ADAMTSL1: variants seen among roughly 807,000 people sequenced by gnomAD.
ADAMTSL1 encodes ADAMTS like 1, also known as ADAMTS-like protein 1.
ADAMTSL1 carries 126 observed loss-of-function variants against 201.8 expected under a neutral mutation model. That is an observed-to-expected ratio of 0.62 (90% CI 0.54 to 0.72). The LOEUF is 0.72. Ranked by LOEUF, ADAMTSL1 falls within the 30% of genes least tolerant of loss-of-function variation. The pLI, the probability that ADAMTSL1 is intolerant of heterozygous loss-of-function variation, is 0.00. For missense variants in ADAMTSL1, 2,679 were observed against 2,277.8 expected, an observed-to-expected ratio of 1.18 and a Z score of -3.59; for synonymous variants, 1,121 against 903.4, an observed-to-expected ratio of 1.24 and a Z score of -4.32.
chr9:18,743,538 T>A (rs1205720491), intron 15 of ADAMTSL1, among the ~76,000 whole-genome samples: 1 of 152,206 alleles, frequency 6.6e-6, no homozygotes, highest in Non-Finnish European at 1.5e-5. Context: ...GTGGCCAAAC[T>A]GTTTTCAAGC....
chr9:18,364,628 C>T (rs1836687483), intron 2 of ADAMTSL1, among the ~76,000 whole-genome samples: 1 of 144,960 alleles, frequency 6.9e-6, no homozygotes, highest in African/African-American at 2.5e-5. Context: ...AATAACATGC[C>T]TGTATTAGGT....
chr9:18,874,013 G>C (rs1308553115), intron 23 of ADAMTSL1, among the ~76,000 whole-genome samples: 1 of 152,008 alleles, frequency 6.6e-6, no homozygotes, highest in Non-Finnish European at 1.5e-5. Context: ...TCACCTCCTT[G>C]GTTAGGTATA....
chr9:18,163,428 TTTC>T (rs1278088316), intron 1 of ADAMTSL1, among the ~76,000 whole-genome samples: 1 of 152,110 alleles, frequency 6.6e-6, no homozygotes, highest in African/African-American at 2.4e-5. Context: ...AGGCCAGGCT[TTTC>T]TTATGTGGTA....
At chr9:18,464,837 G>A (rs770801575) in intron 2 of ADAMTSL1, among the ~76,000 whole-genome samples, 25 of 152,160 alleles carry the variant, frequency 1.6e-4, no homozygotes, top group Non-Finnish European at 3.2e-4. Flanking sequence ...AAAATCAAGA[G>A]AGAAAGGGTG....
At chr9:18,869,958 T>C (rs1827784438) in intron 23 of ADAMTSL1, among the ~76,000 whole-genome samples, 1 of 152,148 alleles carries the variant, frequency 6.6e-6, no homozygotes, top group South Asian at 2.1e-4. Flanking sequence ...TTTTCTGTTT[T>C]TCACAATGGA....
At chr9:18,872,708 A>G (rs1195606582) in intron 23 of ADAMTSL1, among the ~76,000 whole-genome samples, 1 of 152,144 alleles carries the variant, frequency 6.6e-6, no homozygotes, top group Non-Finnish European at 1.5e-5. Context: ...TGGTATATGT[A>G]TACACCACAG....
chr9:18,596,339 A>C (rs1824260387), intron 4 of ADAMTSL1, among the ~76,000 whole-genome samples: 1 of 152,216 alleles, frequency 6.6e-6, no homozygotes, highest in Non-Finnish European at 1.5e-5. Flanking sequence ...CCAATCAGAT[A>C]CAAATTTGAA....
chr9:18,071,919 A>G (rs1822987730), intron 1 of ADAMTSL1, among the ~76,000 whole-genome samples: 1 of 152,204 alleles, frequency 6.6e-6, no homozygotes, highest in African/African-American at 2.4e-5. Flanking sequence ...CATGATCCTC[A>G]GTTTCATCTC....
rs140042183 is a variant in ADAMTSL1, at chr9:18,033,066, C to T, written c.87+126144C>T. Among the ~76,000 whole-genome samples the T allele has an allele frequency of 6.5e-3, 986 of 152,266 alleles. 16 individuals are homozygous for T. Among genetic ancestry groups the T allele is most frequent in the African/African-American group, 0.023 (947 of 41,542 alleles). On this transcript the variant is annotated intron_variant, in intron 1 of 29. Coordinates refer to the ADAMTSL1 transcript ENST00000680146. The stretch of plus-strand genomic sequence containing the variant: ...TGCCTAGTTAGCCATCTTGTCCCTT[C>T]CCAATCTTATTTTAAAATTATACAA...
At chr9:18,444,265 C>A (rs1023744996) in intron 2 of ADAMTSL1, among the ~76,000 whole-genome samples, 9 of 152,136 alleles carry the variant, frequency 5.9e-5, no homozygotes, top group African/African-American at 2.2e-4. Flanking sequence ...GTGCTGGGTG[C>A]TTGGCAAATG....
At chr9:18,238,470 G>C (rs1830934540) in intron 2 of ADAMTSL1, among the ~76,000 whole-genome samples, 1 of 152,014 alleles carries the variant, frequency 6.6e-6, no homozygotes, top group South Asian at 2.1e-4. Flanking sequence ...GGTCATAACT[G>C]GGTGCCAGTC....
At chr9:17,930,852 C>G (rs1826754281) in intron 1 of ADAMTSL1, among the ~76,000 whole-genome samples, 1 of 152,092 alleles carries the variant, frequency 6.6e-6, no homozygotes, top group Non-Finnish European at 1.5e-5. Flanking sequence ...GTGAATCTTC[C>G]CAGGCTCTTG....
intron 1 of ADAMTSL1, among the ~76,000 whole-genome samples, chr9:18,107,767 T>C (rs1363804616): frequency 6.6e-6 from 1 of 152,120 alleles, no homozygotes; most frequent in Non-Finnish European, 1.5e-5. Flanking sequence ...GAATTTGATG[T>C]CAAACTGCAT....
Position 18,646,524 on chromosome 9 carries a change from G to T in ADAMTSL1, c.834+7113G>T, listed in dbSNP as rs1056940772. 1.8e-4 allele frequency among the ~76,000 whole-genome samples: 27 copies of T among 148,990 alleles called. 1 individual carries two copies. The highest frequency in any genetic ancestry group is 6.5e-4 in the African/African-American group (26 of 40,074). On this transcript the variant is annotated intron_variant, in intron 7 of 28. Transcript: ENST00000380548. The stretch of plus-strand genomic sequence containing the variant: ...CCATTCAGTATGATATTGGCTGTGG[G>T]TTTGTCACAGATAGCTCTTATTATT...
intron 2 of ADAMTSL1, among the ~76,000 whole-genome samples, chr9:18,380,849 C>A (rs138520854): frequency 6.6e-6 from 1 of 152,194 alleles, no homozygotes; most frequent in Non-Finnish European, 1.5e-5. Flanking sequence ...ATGCCCCAAA[C>A]AAATGCAGCA....
intron 2 of ADAMTSL1, among the ~76,000 whole-genome samples, chr9:18,178,070 A>G (rs1002432204): frequency 4.6e-5 from 7 of 152,216 alleles, no homozygotes; most frequent in Non-Finnish European, 7.3e-5. Flanking sequence ...TCCCAGCATG[A>G]GCGACGCAGA....
chr9:18,247,315 A>C (rs1268743615), intron 2 of ADAMTSL1, among the ~76,000 whole-genome samples: 1 of 152,230 alleles, frequency 6.6e-6, no homozygotes. Context: ...AACAAGATAT[A>C]GTAGATATCA....
At chr9:18,444,981 C>CG (rs1466874785) in intron 2 of ADAMTSL1, among the ~76,000 whole-genome samples, 2 of 152,042 alleles carry the variant, frequency 1.3e-5, no homozygotes, top group Non-Finnish European at 2.9e-5. Flanking sequence ...AACTGAAAGT[C>CG]AGAGAGTTTA....
At chr9:18,232,820 AC>A (rs1455986973) in intron 2 of ADAMTSL1, among the ~76,000 whole-genome samples, 2 of 152,206 alleles carry the variant, frequency 1.3e-5, no homozygotes, top group Admixed American at 6.5e-5. Context: ...AAGTGTAGTA[AC>A]TGGTACAAAA....
Sources: gnomAD v4.1 joint callset for allele counts (sites outside exome capture counted in the v4.1 genomes callset) on GRCh38, gnomAD v4.1.1 for gene constraint, MANE v1.5 for transcripts, NCBI Gene and HGNC (gene_info 2026-07-23, HGNC 2026-07-21) for gene names.